The following HOXA3 variants were observed in gnomAD, a reference collection of about 807,000 sequenced individuals.
The protein encoded by HOXA3 is homeobox A3.
In HOXA3, 8 loss-of-function variants were observed where a neutral mutation model predicts 30.3. The observed-to-expected ratio is 0.26, with a 90% CI of 0.15 to 0.48. The LOEUF is 0.48. Among genes scored for constraint, HOXA3 ranks in the 20% least tolerant of loss-of-function variants. The pLI, the probability that HOXA3 is intolerant of heterozygous loss-of-function variation, is 0.99. For missense variants in HOXA3, 653 were observed against 614.4 expected, an observed-to-expected ratio of 1.06 and a Z score of -0.66; for synonymous variants, 323 against 273.1, an observed-to-expected ratio of 1.18 and a Z score of -1.80.
intron 2 of HOXA3, among the ~76,000 whole-genome samples, chr7:27,138,991 C>T (rs1328017596): frequency 6.6e-6 from 1 of 152,104 alleles, no homozygotes; most frequent in Non-Finnish European, 1.5e-5. Flanking sequence ...ACAGAGAATT[C>T]GCCTGTATGT....
chr7:27,139,937 C>T (rs1165181664), intron 2 of HOXA3, 146 bp downstream of exon 2: 1 of 151,496 alleles, frequency 6.6e-6, no homozygotes, highest in African/African-American at 2.4e-5. Context: ...TGGCGCTGCT[C>T]TTTTGGGCAG....
At chr7:27,128,669 G>A in intron 2 of HOXA3, 3 of 168,770 alleles carry the variant, frequency 1.8e-5, no homozygotes, top group East Asian at 1.5e-4. Flanking sequence ...CTGTAACAGT[G>A]TCTTAAATAA....
In HOXA3 at chr7:27,108,703, C is replaced by A. The variant is rs1314381838; in HGVS notation, c.544G>T (p.Asp182Tyr). Residue 182 changes from aspartate (D) to tyrosine (Y), a missense_variant, in exon 6 of 6, where the codon GAC becomes TAC. Physicochemically the swap from Asp to Tyr is radical, Grantham distance 160 (BLOSUM62 -3). Around this residue, in one of 3 missense-constraint regions of HOXA3, gnomAD observed 320 missense variants for 321.9 expected, o/e 0.99. Coordinates refer to ENST00000612286, the MANE Select transcript of HOXA3 (RefSeq NM_153631.3). The surrounding 1 kb of genome is among the most constrained non-coding windows in gnomAD (Gnocchi z 5.0). ...SSSSGESCAG[D>Y]KSPPGQASSK... is the part of the protein sequence containing the mutation. ...GAAGCCTGCCCCGGCGGGCTCTTGT[C>A]GCCAGCGCAGCTTTCGCCTGCGAGG... 1.2e-6 allele frequency: 2 copies of A among 1,602,960 alleles called. No individual in the cohort carries two copies. The highest frequency in any genetic ancestry group is 1.1e-5 in the South Asian group (1 of 90,548).
At chr7:27,127,672 A>G in intron 2 of HOXA3, among the ~76,000 whole-genome samples, 1 of 152,190 alleles carries the variant, frequency 6.6e-6, no homozygotes, top group East Asian at 1.9e-4. Context: ...TAAATCAGTA[A>G]ACAAATACTA....
intron 3 of HOXA3, among the ~76,000 whole-genome samples, chr7:27,125,437 G>A (rs1342362242): frequency 2.0e-5 from 3 of 152,230 alleles, no homozygotes; most frequent in Non-Finnish European, 2.9e-5. Context: ...TTCAGAAGAG[G>A]TGCCAGAGTT....
At chr7:27,134,084 G>A (rs748588149) in intron 2 of HOXA3, 1 of 152,172 alleles carries the variant, frequency 6.6e-6, no homozygotes, top group Admixed American at 6.6e-5. Context: ...TCTTTAGAGC[G>A]AGAGTCCCCC....
intron 1 of HOXA3, chr7:27,143,209 G>T (rs1054035547): frequency 1.2e-6 from 2 of 1,610,410 alleles, no homozygotes; most frequent in Non-Finnish European, 1.7e-6. Flanking sequence ...TGTGGGTGCT[G>T]CCGGCGTCGG....
intron 2 of HOXA3, chr7:27,130,214 C>G (rs1404705406): frequency 1.3e-6 from 2 of 1,525,140 alleles, no homozygotes; most frequent in African/African-American, 2.8e-5. Flanking sequence ...AGCGGGCACG[C>G]GGGGGCGCTG....
Position 27,108,687 on chromosome 7 carries a change from C to A in HOXA3, c.560G>T (p.Gly187Val), listed in dbSNP as rs778666410. Reference protein sequence around the residue: ...ESCAGDKSPPGQASSKRARTA... With the variant: ...ESCAGDKSPPVQASSKRARTA... Reference sequence around the variant, plus strand: ...GCGCGCGCGCTTGGACGAAGCCTGCCCCGGCGGGCTCTTGTCGCCAGCGCA... The same window carrying A: ...GCGCGCGCGCTTGGACGAAGCCTGCACCGGCGGGCTCTTGTCGCCAGCGCA... Residue 187 changes from glycine (G) to valine (V), a missense_variant, in exon 6 of 6, where the codon GGG (glycine) becomes GTG (valine). Gly to Val is a moderately radical substitution (Grantham distance 109, BLOSUM62 -3). Coordinates refer to ENST00000612286, the MANE Select transcript of HOXA3 (RefSeq NM_153631.3). This position sits in a 1 kb window ranked among gnomAD's most constrained non-coding sequence, Gnocchi z 5.0. 6.2e-7 allele frequency: 1 copy of A among 1,607,206 alleles called. No individual in the cohort carries two copies. Among genetic ancestry groups the A allele is most frequent in the South Asian group, 1.1e-5 (1 of 90,884 alleles).
chr7:27,147,389 T>C (rs1209401473), intron 1 of HOXA3: 10 of 1,614,098 alleles, frequency 6.2e-6, no homozygotes, highest in Non-Finnish European at 8.5e-6. Flanking sequence ...TGGAGTGCTT[T>C]GCCCTGCCCG....
At position 27,107,179 on chromosome 7, in the gene HOXA3, GT is replaced by G. The variant is rs1490834702; in HGVS notation, c.*735del. 6.6e-6 allele frequency: 1 copy of G among 151,880 alleles called. No individual in the cohort carries two copies. The highest frequency in any genetic ancestry group is 1.5e-5 in the Non-Finnish European group (1 of 67,998). 9.4% of individuals were successfully genotyped at this position (151,880 alleles called of 1,614,324 possible). On this transcript the variant is annotated 3_prime_UTR_variant, in exon 6 of 6. Transcript: ENST00000612286. ...GTTTTCAAAAGCTGGATCTTCTCTG[GT>G]TTTATTGTATCGTTACCGTTTAAAG...
At chr7:27,129,839 T>C in intron 2 of HOXA3, 1 of 607,874 alleles carries the variant, frequency 1.6e-6, no homozygotes, top group South Asian at 2.0e-5. Flanking sequence ...CTGAAGCCTC[T>C]GCCAGGGCAA....
In HOXA3 at chr7:27,113,202, AG is replaced by A. The variant is rs1784475697; in HGVS notation, c.-120-2443del. ...ATAATCCCCAGGTGCAAGAGCCGAA[AG>A]AGAGTTGAAGAGGCTAAATTGAGTG... On this transcript the variant is annotated intron_variant, in intron 4 of 5. Transcript: ENST00000612286. This position sits in a 1 kb window ranked among gnomAD's most constrained non-coding sequence, Gnocchi z 4.8. Among the ~76,000 whole-genome samples the A allele has an allele frequency of 6.6e-6, 1 of 152,220 alleles. No homozygotes were observed. Among genetic ancestry groups the A allele is most frequent in the African/African-American group, 2.4e-5 (1 of 41,452 alleles).
chr7:27,152,452 C>T lies in HOXA3; in HGVS notation c.-658G>A. ...GCGCCGGGAACGGAGCGCGCCCAAT[C>T]TCCAGCGGGAGCCGCCAGGCCTGGC... On this transcript the variant is annotated 5_prime_UTR_variant, in exon 1 of 6. Coordinates refer to ENST00000612286, the MANE Select transcript of HOXA3 (RefSeq NM_153631.3). 8.6e-7 allele frequency: 1 copy of T among 1,158,096 alleles called. No homozygotes were observed. Among genetic ancestry groups the T allele is most frequent in the South Asian group, 1.7e-5 (1 of 60,438 alleles). 71.7% of individuals were successfully genotyped at this position (1,158,096 alleles called of 1,614,324 possible). A position where few individuals can be genotyped will look rare whatever the true frequency, so the allele number is the denominator to read the frequency against.
intron 2 of HOXA3, among the ~76,000 whole-genome samples, chr7:27,139,829 C>A (rs1314550059): frequency 1.3e-5 from 2 of 152,172 alleles, no homozygotes; most frequent in African/African-American, 4.8e-5. Flanking sequence ...CAGCGGAAGT[C>A]ATTAACATCC....
At chr7:27,126,395 A>G (rs1401400542) in intron 3 of HOXA3, among the ~76,000 whole-genome samples, 1 of 152,072 alleles carries the variant, frequency 6.6e-6, no homozygotes, top group Non-Finnish European at 1.5e-5. Flanking sequence ...CTTACACAAA[A>G]TACTGTCTTT....
At chr7:27,131,034 G>A (rs561074696) in intron 2 of HOXA3, among the ~76,000 whole-genome samples, 7 of 152,240 alleles carry the variant, frequency 4.6e-5, no homozygotes, top group Non-Finnish European at 1.0e-4. Context: ...GGATGCTGCT[G>A]TCCGGCCCCT....
At position 27,143,512 on chromosome 7, in the gene HOXA3, C is replaced by T. The variant is rs751791224; in HGVS notation, c.-493-3326G>A. On this transcript the variant is annotated intron_variant, in intron 1 of 5. Coordinates refer to ENST00000612286, the MANE Select transcript of HOXA3 (RefSeq NM_153631.3). ...GCATGCTCGCCGAGTCCCTGAATTGCTCGCTCACGGAACTATGATCTCCAT... is the reference window on the plus strand; with the variant it reads ...GCATGCTCGCCGAGTCCCTGAATTGTTCGCTCACGGAACTATGATCTCCAT... The T allele has an allele frequency of 1.9e-6, 3 of 1,613,840 alleles. No homozygotes were observed. The South Asian group carries it at 3.3e-5, about 18-fold the overall frequency.
intron 1 of HOXA3, among the ~76,000 whole-genome samples, chr7:27,140,783 C>T (rs955985681): frequency 2.0e-5 from 3 of 152,126 alleles, no homozygotes; most frequent in Non-Finnish European, 4.4e-5. Flanking sequence ...TGCTCTTTCT[C>T]TCTTTTTTGT....
Sources: gnomAD v4.1 joint callset for allele counts (sites outside exome capture counted in the v4.1 genomes callset) on GRCh38, gnomAD v4.1.1 for gene constraint, gnomAD v4.1.1 regional missense constraint, Gnocchi (gnomAD v3.1) non-coding constraint, MANE v1.5 for transcripts, NCBI Gene and HGNC (gene_info 2026-07-23, HGNC 2026-07-21) for gene names.